Variants in KLF8 observed in about 807,000 individuals in gnomAD.
KLF8 encodes Krueppel-like factor 8.
KLF8 carries 10 observed loss-of-function variants against 18.2 expected under a neutral mutation model. That is an observed-to-expected ratio of 0.55 (90% confidence interval 0.34 to 0.93). The LOEUF (loss-of-function observed/expected upper bound fraction) is 0.93. Ranked by LOEUF, KLF8 falls within the 40% of genes least tolerant of loss-of-function variation. The probability of loss-of-function intolerance (pLI) is 0.02; values close to 1 mark genes in which losing one functional copy is unlikely to be tolerated. For missense variants in KLF8, 264 were observed against 277.9 expected, an observed-to-expected ratio of 0.95 and a Z score of 0.36; for synonymous variants, 109 against 97.3, an observed-to-expected ratio of 1.12 and a Z score of -0.71.
chrX:56,085,790 A>G, the KLF8 span, among the ~76,000 whole-genome samples: 11 of 112,203 alleles, frequency 9.8e-5, no homozygotes, highest in Non-Finnish European at 9.4e-5. Flanking sequence ...AGTAAAATAA[A>G]CCCAGTACTG....
chrX:56,153,870 C>A, the KLF8 span, among the ~76,000 whole-genome samples: 3 of 111,490 alleles, frequency 2.7e-5, no homozygotes, highest in African/African-American at 6.5e-5. Flanking sequence ...ATCCAACTTA[C>A]AAGGGATGTG....
At chrX:56,042,810 G>T in the KLF8 span, among the ~76,000 whole-genome samples, 1 of 110,972 alleles carries the variant, frequency 9.0e-6, no homozygotes, top group South Asian at 3.8e-4. Flanking sequence ...GTGTTTTTTA[G>T]ATTGTTTACA....
chrX:56,136,089 G>T, the KLF8 span, among the ~76,000 whole-genome samples: 29 of 110,892 alleles, frequency 2.6e-4, no homozygotes, highest in South Asian at 0.01. Flanking sequence ...CACTGCTCAA[G>T]GAAATAAAAG....
the KLF8 span, among the ~76,000 whole-genome samples, chrX:56,159,413 G>A: frequency 4.0e-4 from 45 of 112,660 alleles, no homozygotes; most frequent in African/African-American, 1.3e-3. Flanking sequence ...AAATGAGTTA[G>A]GGAGGATTCC....
chrX:55,994,020 C>T, the KLF8 span, among the ~76,000 whole-genome samples: 2 of 107,761 alleles, frequency 1.9e-5, no homozygotes, highest in South Asian at 8.7e-4. Flanking sequence ...AAGAGATTCT[C>T]CTGCCTCAGT....
At chrX:56,178,069 C>T in the KLF8 span, among the ~76,000 whole-genome samples, 1 of 112,006 alleles carries the variant, frequency 8.9e-6, no homozygotes, top group South Asian at 3.7e-4. Context: ...GATGCCTCTC[C>T]CTGCTTTGGC....
At chrX:56,195,211 C>G in the KLF8 span, among the ~76,000 whole-genome samples, 1 of 112,287 alleles carries the variant, frequency 8.9e-6, no homozygotes, top group Non-Finnish European at 1.9e-5. Flanking sequence ...AGCAACAGAA[C>G]AAATCTGGAT....
At chrX:56,044,103 G>A in the KLF8 span, among the ~76,000 whole-genome samples, 2 of 111,868 alleles carry the variant, frequency 1.8e-5, no homozygotes, top group Non-Finnish European at 3.8e-5. Context: ...GACCCCAGTT[G>A]CCTCACTTTC....
chrX:56,127,096 G>T, the KLF8 span, among the ~76,000 whole-genome samples: 1 of 110,483 alleles, frequency 9.1e-6, no homozygotes, highest in Non-Finnish European at 1.9e-5. Context: ...CATTCAAATA[G>T]TGCCTCCCAG....
At chrX:56,068,114 C>G in the KLF8 span, among the ~76,000 whole-genome samples, 1 of 112,301 alleles carries the variant, frequency 8.9e-6, no homozygotes, top group Admixed American at 9.4e-5. Flanking sequence ...GACATTCTGA[C>G]AGCAGGGCAC....
the KLF8 span, among the ~76,000 whole-genome samples, chrX:55,988,159 T>C: frequency 5.3e-3 from 591 of 111,909 alleles, 1 homozygote; most frequent in Non-Finnish European, 8.7e-3. Context: ...GCTGCCTGTT[T>C]ACTCTGATGG....
At chrX:56,191,462 G>A in the KLF8 span, among the ~76,000 whole-genome samples, 2 of 111,558 alleles carry the variant, frequency 1.8e-5, no homozygotes, top group Non-Finnish European at 3.8e-5. Context: ...TATTCCATGA[G>A]GCCAGTATAA....
chrX:56,289,675 C>A lies in KLF8; in HGVS notation c.*5181C>A, dbSNP rs1240581431. Among the ~76,000 whole-genome samples the A allele has an allele frequency of 2.7e-5, 3 of 111,633 alleles. No homozygotes were observed. The highest frequency in any genetic ancestry group is 5.6e-5 in the Non-Finnish European group (3 of 53,160). On this transcript the variant is annotated 3_prime_UTR_variant, in exon 6 of 6. Transcript: ENST00000468660. The stretch of plus-strand genomic sequence containing the variant: ...TAATACTGAGAAACCTGGCTCTCAA[C>A]CTCTGTCATCTATTTACTTAATTTT...
the KLF8 span, among the ~76,000 whole-genome samples, chrX:56,173,076 T>G: frequency 1.9e-4 from 21 of 112,043 alleles, no homozygotes; most frequent in East Asian, 5.9e-3. Context: ...GGTAGTTTTT[T>G]TTGCTGTGTA....
At chrX:55,994,857 A>G in the KLF8 span, among the ~76,000 whole-genome samples, 10 of 112,016 alleles carry the variant, frequency 8.9e-5, no homozygotes, top group Non-Finnish European at 1.3e-4. Context: ...ATTTTAGACT[A>G]TGTACCATGC....
At chrX:56,184,709 T>C in the KLF8 span, among the ~76,000 whole-genome samples, 17 of 111,599 alleles carry the variant, frequency 1.5e-4, no homozygotes, top group Admixed American at 2.9e-4. Flanking sequence ...GCAGCATTCG[T>C]GGTTCATGAA....
chrX:55,948,132 C>G, the KLF8 span, among the ~76,000 whole-genome samples: 1 of 112,074 alleles, frequency 8.9e-6, no homozygotes, highest in Non-Finnish European at 1.9e-5. Context: ...AGTTCATTTT[C>G]TTTTTAAGGA....
chrX:56,112,946 C>T, the KLF8 span, among the ~76,000 whole-genome samples: 2 of 111,237 alleles, frequency 1.8e-5, no homozygotes, highest in African/African-American at 3.3e-5. Flanking sequence ...GACATGGTGG[C>T]TCATGCCTGT....
chrX:56,291,193 A>G lies in KLF8; in HGVS notation c.*6699A>G, dbSNP rs149050835. 7.2e-3 allele frequency among the ~76,000 whole-genome samples: 811 copies of G among 111,948 alleles called. 5 individuals carry two copies. The highest frequency in any genetic ancestry group is 0.012 in the Non-Finnish European group (639 of 53,160). On this transcript the variant is annotated 3_prime_UTR_variant, in exon 6 of 6. Coordinates refer to ENST00000468660, the MANE Select transcript of KLF8 (RefSeq NM_007250.5). Reference sequence around the variant, plus strand: ...TTGTTTAAATAAATTATAAGACAGTATATTAAGCTTTAGTCTCTGTAACTC... The same window carrying G: ...TTGTTTAAATAAATTATAAGACAGTGTATTAAGCTTTAGTCTCTGTAACTC...
Sources: gnomAD v4.1 joint callset for allele counts (sites outside exome capture counted in the v4.1 genomes callset) on GRCh38, gnomAD v4.1.1 for gene constraint, MANE v1.5 for transcripts, NCBI Gene and HGNC (gene_info 2026-07-23, HGNC 2026-07-21) for gene names.